Variants in CCDC186 observed in about 807,000 individuals in gnomAD.
CCDC186 encodes the protein coiled-coil domain-containing protein 186.
Under a neutral mutation model 113.7 loss-of-function variants are expected in CCDC186, and 49 were observed. The observed-to-expected ratio is 0.43, with a 90% CI of 0.34 to 0.55. The LOEUF is 0.55. Among genes scored for constraint, CCDC186 ranks in the 20% least tolerant of loss-of-function variants. The pLI is 0.02. For missense variants in CCDC186, 890 were observed against 1,011.1 expected, an observed-to-expected ratio of 0.88 and a Z score of 1.62; for synonymous variants, 355 against 345.8, an observed-to-expected ratio of 1.03 and a Z score of -0.30.
intron 4 of CCDC186, among the ~76,000 whole-genome samples, chr10:114,149,105 G>C (rs949585539): frequency 1.3e-5 from 2 of 152,180 alleles, no homozygotes; most frequent in Non-Finnish European, 2.9e-5. Flanking sequence ...TAATTAAATA[G>C]ATCAGTCTTC....
At chr10:114,152,303 T>C (rs1351950792) in intron 3 of CCDC186, among the ~76,000 whole-genome samples, 2 of 149,596 alleles carry the variant, frequency 1.3e-5, no homozygotes, top group African/African-American at 4.9e-5. Flanking sequence ...GATCCCACCA[T>C]GGTACGCCAG....
intron 1 of CCDC186, among the ~76,000 whole-genome samples, chr10:114,170,853 C>T (rs1196289439): frequency 6.6e-6 from 1 of 151,864 alleles, no homozygotes; most frequent in Non-Finnish European, 1.5e-5. Flanking sequence ...GCAATAGATG[C>T]GGCAAGACCC....
chr10:114,170,396 T>G (rs979383241), intron 1 of CCDC186, among the ~76,000 whole-genome samples: 1 of 152,126 alleles, frequency 6.6e-6, no homozygotes, highest in African/African-American at 2.4e-5. Context: ...CAGAGGTCAC[T>G]TGCAGCCTCA....
At chr10:114,156,245 A>C (rs998611236) in intron 3 of CCDC186, among the ~76,000 whole-genome samples, 10 of 152,226 alleles carry the variant, frequency 6.6e-5, no homozygotes, top group Admixed American at 5.9e-4. Context: ...TGTTTTACCA[A>C]TTGTTTACTG....
At chr10:114,129,824 C>T in intron 13 of CCDC186, 67 bp downstream of exon 13, 1 of 1,474,456 alleles carries the variant, frequency 6.8e-7, no homozygotes, top group East Asian at 2.3e-5. Context: ...GCCATCACAC[C>T]TGGCCAAAAA....
intron 2 of CCDC186, among the ~76,000 whole-genome samples, chr10:114,157,993 A>C (rs1276683878): frequency 6.6e-6 from 1 of 152,238 alleles, no homozygotes; most frequent in Non-Finnish European, 1.5e-5. Flanking sequence ...TCCTGTCAGC[A>C]CTGGCACTCT....
intron 6 of CCDC186, among the ~76,000 whole-genome samples, chr10:114,142,087 A>G (rs767859873): frequency 6.6e-5 from 10 of 152,344 alleles, no homozygotes; most frequent in Middle Eastern, 3.4e-3. Context: ...AAAGCAAATA[A>G]GAAGCCCATT....
chr10:114,154,658 A>G (rs933147697), intron 3 of CCDC186, among the ~76,000 whole-genome samples: 2 of 152,172 alleles, frequency 1.3e-5, no homozygotes, highest in Non-Finnish European at 2.9e-5. Context: ...TTCTTCACAA[A>G]TTTTTGCTCT....
At chr10:114,149,134 T>C (rs1046523151) in intron 4 of CCDC186, among the ~76,000 whole-genome samples, 3 of 152,222 alleles carry the variant, frequency 2.0e-5, no homozygotes, top group African/African-American at 4.8e-5. Flanking sequence ...ACTTTAATAA[T>C]ATCCACTTCT....
intron 6 of CCDC186, among the ~76,000 whole-genome samples, chr10:114,141,193 A>T (rs2031456142): frequency 1.3e-5 from 2 of 151,932 alleles, no homozygotes; most frequent in African/African-American, 4.8e-5. Context: ...CCGTGCCTGG[A>T]TCTGTTCCTA....
At chr10:114,172,839 T>C (rs1403612856) in intron 1 of CCDC186, among the ~76,000 whole-genome samples, 1 of 152,222 alleles carries the variant, frequency 6.6e-6, no homozygotes, top group Non-Finnish European at 1.5e-5. Flanking sequence ...GGGAACAGTG[T>C]ACATTACACA....
chr10:114,149,838 A>AAGGCAGGCAGGCAGGC (rs1170943023), intron 4 of CCDC186, among the ~76,000 whole-genome samples: 167 of 107,710 alleles, frequency 1.6e-3, no homozygotes, highest in Non-Finnish European at 2.5e-3. Flanking sequence ...GGAAGGCAGG[A>AAGGCAGGCAGGCAGGC]AGGCAGGCAG....
At chr10:114,142,208 C>T (rs962509573) in intron 6 of CCDC186, among the ~76,000 whole-genome samples, 1 of 152,218 alleles carries the variant, frequency 6.6e-6, no homozygotes, top group East Asian at 1.9e-4. Context: ...AGTCTTACCT[C>T]GGGTGACCTA....
intron 4 of CCDC186, among the ~76,000 whole-genome samples, chr10:114,149,559 AAAGGAAAGGGAAGGGAAGGGAAGGG>A (rs753418939): frequency 0.036 from 3,091 of 86,774 alleles, 88 homozygotes; most frequent in South Asian, 0.064. Flanking sequence ...GAAGGGAAGG[AAAGGAAAGGGAAGGGAAGGGAAGGG>A]AAGGGAAGGG....
chr10:114,164,065 A>AGAGT (rs1554930659), intron 1 of CCDC186, among the ~76,000 whole-genome samples: 7 of 107,044 alleles, frequency 6.5e-5, no homozygotes, highest in South Asian at 3.3e-4. Context: ...ACCAAGTTAG[A>AGAGT]GTGTGTGTGT....
chr10:114,150,276 A>G (rs183097036), intron 4 of CCDC186, among the ~76,000 whole-genome samples: 1 of 152,366 alleles, frequency 6.6e-6, no homozygotes. Context: ...GACGTCATCC[A>G]TAAAGAGTTC....
intron 2 of CCDC186, among the ~76,000 whole-genome samples, chr10:114,159,904 GT>G (rs2032121849): frequency 6.6e-6 from 1 of 152,122 alleles, no homozygotes; most frequent in South Asian, 2.1e-4. Context: ...TGACGCTGCA[GT>G]GAGCTGAGAT....
intron 3 of CCDC186, among the ~76,000 whole-genome samples, chr10:114,152,330 C>T (rs1317423793): frequency 3.3e-5 from 5 of 150,732 alleles, no homozygotes; most frequent in Non-Finnish European, 7.4e-5. Context: ...TGATGAGACC[C>T]TGTCTCTGAA....
At chr10:114,170,097 A>C (rs1292644319) in intron 1 of CCDC186, among the ~76,000 whole-genome samples, 7 of 152,216 alleles carry the variant, frequency 4.6e-5, no homozygotes, top group African/African-American at 1.7e-4. Context: ...AAACAGAATA[A>C]TAGGATGGAA....
Sources: allele counts gnomAD v4.1 joint callset (sites outside exome capture counted in the v4.1 genomes callset), GRCh38; gene constraint gnomAD v4.1.1; transcripts MANE v1.5; gene names NCBI Gene and HGNC (gene_info 2026-07-23, HGNC 2026-07-21).